The following ASH1L variants were observed in gnomAD, a reference collection of about 807,000 sequenced individuals.
ASH1L encodes the protein histone-lysine N-methyltransferase ASH1L.
A neutral mutation model predicts 269.0 loss-of-function variants in ASH1L; 23 were observed. The observed-to-expected ratio is 0.09, with a 90% CI of 0.06 to 0.12. The LOEUF is 0.12. Among genes scored for constraint, ASH1L ranks in the 10% least tolerant of loss-of-function variants. The probability of loss-of-function intolerance (pLI) is 1.00; values close to 1 mark genes in which losing one functional copy is unlikely to be tolerated. For synonymous variants in ASH1L, 1,187 were observed against 1,253.5 expected (o/e 0.95, Z 1.12); for missense variants, 2,912 against 3,567.8 (o/e 0.82, Z 4.68).
chr1:155,345,081 C>T (rs1002991437), intron 21 of ASH1L, among the ~76,000 whole-genome samples: 2 of 151,572 alleles, frequency 1.3e-5, no homozygotes, highest in Admixed American at 6.6e-5. Context: ...CTTAGCCTCC[C>T]GAGTAGCTGG....
At chr1:155,433,356 G>A in intron 5 of ASH1L, 3 of 1,592,750 alleles carry the variant, frequency 1.9e-6, no homozygotes, top group Non-Finnish European at 1.7e-6. Flanking sequence ...GAGGTGTGGG[G>A]GATTCCCCCA....
chr1:155,482,015 T>C lies in ASH1L; in HGVS notation c.855A>G (p.Lys285=). ...TISTAVGLVT[K]DPGKKPVFNA... is the part of the protein sequence containing the mutation. ...TAAACACTGGCTTTTTCCCAGGATC[T>C]TTAGTTACCAATCCAACTGCTGTGC... Residue 285 remains lysine, a synonymous_variant, in exon 3 of 28, where the codon AAA becomes AAG. Transcript: ENST00000392403. 2 of 1,614,198 alleles carry C rather than the reference T, an allele frequency of 1.2e-6. No homozygotes were observed. Among genetic ancestry groups the C allele is most frequent in the Non-Finnish European group, 1.7e-6 (2 of 1,180,022 alleles).
chr1:155,345,311 G>C (rs948386476), intron 21 of ASH1L, among the ~76,000 whole-genome samples: 1 of 149,466 alleles, frequency 6.7e-6, no homozygotes, highest in African/African-American at 2.5e-5. Flanking sequence ...CTCCCAAGTA[G>C]ATGGGATTAC....
chr1:155,555,629 G>A (rs1012430535), intron 1 of ASH1L, among the ~76,000 whole-genome samples: 2 of 151,674 alleles, frequency 1.3e-5, no homozygotes, highest in Admixed American at 1.3e-4. Flanking sequence ...TTGTGCATTT[G>A]AAAAAAGCTG....
intron 2 of ASH1L, among the ~76,000 whole-genome samples, chr1:155,513,231 T>C (rs1424598114): frequency 6.6e-6 from 1 of 151,970 alleles, no homozygotes; most frequent in Non-Finnish European, 1.5e-5. Context: ...ACAGCCCCTG[T>C]GGAAAACAGT....
chr1:155,419,723 T>C (rs1008410214), intron 5 of ASH1L, among the ~76,000 whole-genome samples: 6 of 152,188 alleles, frequency 3.9e-5, no homozygotes, highest in African/African-American at 1.4e-4. Flanking sequence ...AGTTTCCCTA[T>C]TATTAAGGAC....
At chr1:155,465,415 A>T (rs1664616251) in intron 3 of ASH1L, among the ~76,000 whole-genome samples, 1 of 151,994 alleles carries the variant, frequency 6.6e-6, no homozygotes, top group African/African-American at 2.4e-5. Flanking sequence ...TTTTAGTCAC[A>T]CTCTGGAGAT....
intron 5 of ASH1L, among the ~76,000 whole-genome samples, chr1:155,422,803 C>T (rs910452186): frequency 4.6e-5 from 7 of 151,810 alleles, no homozygotes; most frequent in Non-Finnish European, 8.8e-5. Context: ...GCACCCGCTA[C>T]CACGCCTGGC....
intron 2 of ASH1L, among the ~76,000 whole-genome samples, chr1:155,508,488 AAT>A (rs1667956843): frequency 6.6e-6 from 1 of 152,098 alleles, no homozygotes; most frequent in African/African-American, 2.4e-5. Context: ...AAAATACAAA[AAT>A]TAGCCAGACA....
Position 155,336,963 on chromosome 1 carries a change from G to A in ASH1L, c.*697C>T, listed in dbSNP as rs184441330. On this transcript the variant is annotated 3_prime_UTR_variant, in exon 28 of 28. Coordinates refer to ENST00000392403, the MANE Select transcript of ASH1L (RefSeq NM_018489.3). ...AAAATATGTTTGACAGGTTATGAAG[G>A]GTAAAACAAAAATAATTGCAAGAAC... The A allele has an allele frequency of 1.3e-5, 2 of 152,346 alleles. No individual in the cohort carries two copies. Among genetic ancestry groups the A allele is most frequent in the African/African-American group, 4.8e-5 (2 of 41,516 alleles). 9.4% of individuals were successfully genotyped at this position (152,346 alleles called of 1,614,324 possible). A position where few individuals can be genotyped will look rare whatever the true frequency, so the allele number is the denominator to read the frequency against.
rs1409715624 is a variant in ASH1L, at chr1:155,562,502, G to T, written c.-449C>A. 6.7e-7 allele frequency: 1 copy of T among 1,498,014 alleles called. No homozygotes were observed. Among genetic ancestry groups the T allele is most frequent in the Admixed American group, 2.0e-5 (1 of 50,152 alleles). The allele number at this position is 1,498,014 out of a possible 1,614,324, so 92.8% of individuals were successfully genotyped here. A position where few individuals can be genotyped will look rare whatever the true frequency, so the allele number is the denominator to read the frequency against. On this transcript the variant is annotated 5_prime_UTR_variant, in exon 1 of 28. Coordinates refer to ENST00000392403, the MANE Select transcript of ASH1L (RefSeq NM_018489.3). ...CTCCTCCAGAGGGAGGGAGCGAAGG[G>T]CGCCTAGCGCCCCCCTCAACCTTCC...
intron 1 of ASH1L, among the ~76,000 whole-genome samples, chr1:155,532,985 T>C (rs200882561): frequency 3.0e-5 from 2 of 67,090 alleles, no homozygotes; most frequent in African/African-American, 8.5e-5. Context: ...AGAGAGAGAG[T>C]GTGTGTGTGT....
At chr1:155,544,477 T>C (rs1197021592) in intron 1 of ASH1L, among the ~76,000 whole-genome samples, 5 of 151,212 alleles carry the variant, frequency 3.3e-5, no homozygotes, top group African/African-American at 4.9e-5. Flanking sequence ...TTAGTAGAGA[T>C]GGGGTTTCAC....
intron 5 of ASH1L, among the ~76,000 whole-genome samples, chr1:155,436,731 G>A (rs1370209418): frequency 1.3e-5 from 2 of 151,708 alleles, no homozygotes; most frequent in African/African-American, 2.4e-5. Flanking sequence ...TCCTGACCTC[G>A]TGATCCGCCC....
At chr1:155,452,155 C>T (rs934371339) in intron 4 of ASH1L, among the ~76,000 whole-genome samples, 1 of 151,824 alleles carries the variant, frequency 6.6e-6, no homozygotes, top group African/African-American at 2.4e-5. Flanking sequence ...TCTCGTGCCT[C>T]AGCCTCCCGA....
intron 21 of ASH1L, chr1:155,345,839 T>C (rs1653257392): frequency 5.7e-6 from 1 of 174,330 alleles, no homozygotes; most frequent in Non-Finnish European, 1.2e-5. Context: ...TTTTTTTTTT[T>C]TTTTTTCTAA....
chr1:155,341,899 T>C, intron 25 of ASH1L, 37 bp downstream of exon 25: 1 of 1,601,102 alleles, frequency 6.2e-7, no homozygotes, highest in East Asian at 2.2e-5. Context: ...AACCAGATTG[T>C]CCTAACATGT....
chr1:155,467,944 CA>C (rs1664810735), intron 3 of ASH1L, among the ~76,000 whole-genome samples: 1 of 152,122 alleles, frequency 6.6e-6, no homozygotes. Context: ...CAACATCCCC[CA>C]ATGTTAACAT....
chr1:155,465,289 C>CAAAAAAAA (rs1171228344), intron 3 of ASH1L, among the ~76,000 whole-genome samples: 29 of 62,518 alleles, frequency 4.6e-4, no homozygotes, highest in African/African-American at 7.7e-4. Flanking sequence ...TACAAATTAG[C>CAAAAAAAA]AAAAAAAAAA....
Sources: allele counts gnomAD v4.1 joint callset (sites outside exome capture counted in the v4.1 genomes callset), GRCh38; gene constraint gnomAD v4.1.1; transcripts MANE v1.5; gene names NCBI Gene and HGNC (gene_info 2026-07-23, HGNC 2026-07-21).